Variants in CNTLN observed in about 807,000 individuals in gnomAD.
The protein encoded by CNTLN is centlein, centrosomal protein.
In CNTLN, 212 loss-of-function variants were observed where a neutral mutation model predicts 180.0. The ratio of observed to expected loss-of-function variants is 1.18; its 90% CI spans 1.05 to 1.32. The LOEUF (loss-of-function observed/expected upper bound fraction) is 1.32. CNTLN is among the 40% of genes most tolerant of loss of function. The pLI is 0.00. For synonymous variants in CNTLN, 722 were observed against 563.1 expected (o/e 1.28, Z -3.99); for missense variants, 2,095 against 1,610.9 (o/e 1.30, Z -5.14).
chr9:17,501,829 G>A (rs1833766894), intron 25 of CNTLN, among the ~76,000 whole-genome samples: 1 of 152,146 alleles, frequency 6.6e-6, no homozygotes, highest in Admixed American at 6.5e-5. Flanking sequence ...AGTAACTGGG[G>A]CTGCATTTCA....
intron 9 of CNTLN, among the ~76,000 whole-genome samples, chr9:17,331,491 T>C (rs1820640617): frequency 6.6e-6 from 1 of 152,008 alleles, no homozygotes; most frequent in African/African-American, 2.4e-5. Flanking sequence ...AATAACATTT[T>C]CCTCAGAGTA....
chr9:17,185,603 G>A (rs1480842491), intron 2 of CNTLN, among the ~76,000 whole-genome samples: 1 of 151,940 alleles, frequency 6.6e-6, no homozygotes. Flanking sequence ...TGTGAATGAC[G>A]GGTGGGATCT....
intron 2 of CNTLN, among the ~76,000 whole-genome samples, chr9:17,199,004 CT>C (rs1822329608): frequency 6.6e-6 from 1 of 151,986 alleles, no homozygotes. Context: ...GTGCATGTGT[CT>C]TTATAGTAGA....
chr9:17,420,502 C>G (rs1828631671), intron 18 of CNTLN, among the ~76,000 whole-genome samples: 1 of 151,804 alleles, frequency 6.6e-6, no homozygotes, highest in Non-Finnish European at 1.5e-5. Flanking sequence ...GAGAAACCAA[C>G]TTTTTGTTTT....
intron 15 of CNTLN, among the ~76,000 whole-genome samples, chr9:17,402,557 C>A (rs1827064861): frequency 6.6e-6 from 1 of 151,810 alleles, no homozygotes; most frequent in Non-Finnish European, 1.5e-5. Flanking sequence ...ATGAGATTAA[C>A]ATTTAAATCA....
At chr9:17,413,245 A>C (rs2133867603) in intron 16 of CNTLN, among the ~76,000 whole-genome samples, 1 of 152,242 alleles carries the variant, frequency 6.6e-6, no homozygotes. Context: ...TAGACTTTAC[A>C]CTTTATACAA....
chr9:17,471,044 A>G (rs1588069374), intron 23 of CNTLN, among the ~76,000 whole-genome samples: 1 of 152,210 alleles, frequency 6.6e-6, no homozygotes, highest in East Asian at 1.9e-4. Context: ...CATTATACTG[A>G]AAAAGGAAAT....
intron 23 of CNTLN, among the ~76,000 whole-genome samples, chr9:17,470,481 T>C (rs933877202): frequency 1.3e-5 from 2 of 152,078 alleles, no homozygotes; most frequent in South Asian, 2.1e-4. Flanking sequence ...CTTTAGTCTT[T>C]TCATTTATTC....
intron 2 of CNTLN, among the ~76,000 whole-genome samples, chr9:17,177,273 G>A (rs1308416998): frequency 6.6e-6 from 1 of 152,074 alleles, no homozygotes; most frequent in Non-Finnish European, 1.5e-5. Context: ...GCCTGGCGTG[G>A]TGGCAGGCAC....
At chr9:17,160,040 G>T (rs1819569594) in intron 2 of CNTLN, among the ~76,000 whole-genome samples, 4 of 152,158 alleles carry the variant, frequency 2.6e-5, no homozygotes, top group African/African-American at 9.7e-5. Flanking sequence ...TGGCAATTGT[G>T]ATAGAGATTG....
At chr9:17,244,147 T>G (rs72700173) in intron 5 of CNTLN, among the ~76,000 whole-genome samples, 3,718 of 152,166 alleles carry the variant, frequency 0.024, 62 homozygotes, top group Non-Finnish European at 0.034. Context: ...GGTTTTCATT[T>G]GCATGGAATA....
chr9:17,458,262 C>T (rs1380679948), intron 19 of CNTLN, among the ~76,000 whole-genome samples: 2 of 151,262 alleles, frequency 1.3e-5, no homozygotes, highest in African/African-American at 2.4e-5. Flanking sequence ...AAACTGTCAG[C>T]AACTTAAAAG....
intron 2 of CNTLN, among the ~76,000 whole-genome samples, chr9:17,143,592 G>T (rs114872141): frequency 2.9e-3 from 438 of 152,296 alleles, no homozygotes; most frequent in African/African-American, 9.7e-3. Flanking sequence ...GACATATTTG[G>T]AGAGTGTGTA....
chr9:17,255,493 T>C (rs1456161501), intron 5 of CNTLN, among the ~76,000 whole-genome samples: 2 of 151,814 alleles, frequency 1.3e-5, no homozygotes, highest in Non-Finnish European at 2.9e-5. Flanking sequence ...ATTTCATAAA[T>C]TGAATTTTGT....
the CNTLN span, among the ~76,000 whole-genome samples, chr9:17,523,395 C>T: frequency 2.6e-5 from 4 of 152,192 alleles, no homozygotes; most frequent in Admixed American, 6.5e-5. Flanking sequence ...CACCACCACA[C>T]CTGTCTAATT....
At chr9:17,192,768 T>A (rs574297074) in intron 2 of CNTLN, among the ~76,000 whole-genome samples, 9 of 152,342 alleles carry the variant, frequency 5.9e-5, no homozygotes, top group Non-Finnish European at 1.2e-4. Flanking sequence ...AACAAGTGAA[T>A]GCAATTTACA....
intron 6 of CNTLN, among the ~76,000 whole-genome samples, chr9:17,276,942 T>C (rs1441352220): frequency 6.6e-6 from 1 of 152,112 alleles, no homozygotes; most frequent in Non-Finnish European, 1.5e-5. Flanking sequence ...AGTCCAACTC[T>C]ATGCATATAT....
chr9:17,289,830 T>C (rs1455033873), intron 6 of CNTLN, among the ~76,000 whole-genome samples: 1 of 138,822 alleles, frequency 7.2e-6, no homozygotes, highest in East Asian at 2.0e-4. Context: ...ATTGTTCACC[T>C]AGTTCTCGAG....
At chr9:17,302,938 A>G (rs1324726827) in intron 7 of CNTLN, among the ~76,000 whole-genome samples, 3 of 152,200 alleles carry the variant, frequency 2.0e-5, no homozygotes, top group Admixed American at 1.3e-4. Flanking sequence ...AAATCGAGAT[A>G]AAAATGTAAA....
Sources: gnomAD v4.1 joint callset for allele counts (sites outside exome capture counted in the v4.1 genomes callset) on GRCh38, gnomAD v4.1.1 for gene constraint, MANE v1.5 for transcripts, NCBI Gene and HGNC (gene_info 2026-07-23, HGNC 2026-07-21) for gene names.